The following DNLZ variants were observed in gnomAD, a reference collection of about 807,000 sequenced individuals.
DNLZ encodes the protein DNL-type zinc finger.
DNLZ carries 15 observed loss-of-function variants against 7.8 expected under a neutral mutation model. That is an observed-to-expected ratio of 1.91 (90% CI 1.28 to 2.95). The LOEUF is 2.95. Ranked by LOEUF, DNLZ falls within the 30% of genes most tolerant of loss-of-function variation. DNLZ has a pLI of 0.00. For missense variants in DNLZ, 255 were observed against 167.3 expected (o/e 1.52, Z -2.89); for synonymous variants, 123 against 77.8 (o/e 1.58, Z -3.05).
Position 136,363,734 on chromosome 9 carries a change from C to CGCCCTGCCCCG in DNLZ, c.-21_-20insCGGGGCAGGGC, listed in dbSNP as rs201269237. The stretch of plus-strand genomic sequence containing the variant: ...CAGCATCCCGCTCGCCGGCTCCGTC[C>CGCCCTGCCCCG]GCCCTGCCCCGGCCCCGCCCCGCCG... On this transcript the variant is annotated 5_prime_UTR_variant, in exon 1 of 3. Transcript: ENST00000371738. The CGCCCTGCCCCG allele has an allele frequency of 0.21, 96,821 of 452,826 alleles. 11,823 individuals carry two copies. Among genetic ancestry groups the CGCCCTGCCCCG allele is most frequent in the Middle Eastern group, 0.26 (438 of 1,690 alleles). The allele number at this position is 452,826 out of a possible 1,614,324, so 28.1% of individuals were successfully genotyped here.
In DNLZ at chr9:136,360,548, G is replaced by C. The variant is rs548533204; in HGVS notation, c.*1464C>G. Reference sequence around the variant, plus strand: ...AACCTGGCTGTGGGATTGGGGCTGCGGGGAGGGAAGGGCGGAGGGAGACAG... The same window carrying C: ...AACCTGGCTGTGGGATTGGGGCTGCCGGGAGGGAAGGGCGGAGGGAGACAG... On this transcript the variant is annotated 3_prime_UTR_variant, in exon 3 of 3. Coordinates refer to ENST00000371738, the MANE Select transcript of DNLZ (RefSeq NM_001080849.3). 1 of 152,210 alleles carries C rather than the reference G, an allele frequency of 6.6e-6. No homozygotes were observed. The allele number at this position is 152,210 out of a possible 1,614,324, so 9.4% of individuals were successfully genotyped here. A position where few individuals can be genotyped will look rare whatever the true frequency, so the allele number is the denominator to read the frequency against.
In DNLZ at chr9:136,359,681, C is replaced by T. The variant is rs970314009; in HGVS notation, c.*2331G>A. The T allele has an allele frequency of 6.6e-6, 1 of 152,360 alleles. No individual in the cohort carries two copies. The highest frequency in any genetic ancestry group is 1.5e-5 in the Non-Finnish European group (1 of 68,062). The allele number at this position is 152,360 out of a possible 1,614,324, so 9.4% of individuals were successfully genotyped here. On this transcript the variant is annotated 3_prime_UTR_variant, in exon 3 of 3. Coordinates refer to ENST00000371738, the MANE Select transcript of DNLZ (RefSeq NM_001080849.3). ...ACTGTGCAAAGTGTCCACAGATACC[C>T]ACTGTCTGGGCCCTCTGAGACCTCA...
Position 136,363,581 on chromosome 9 carries a change from C to CCCCAGG in DNLZ, c.128_133dup (p.Ala43_Trp44dup), listed in dbSNP as rs1355553595. On this transcript the variant is annotated inframe_insertion, in exon 1 of 3. Transcript: ENST00000371738. ...CTGCTCGGAGCTTGAGCGCCGCCAG[C>CCCCAGG]CCCAGGCCCAGGCCCGCCGCCTCCC... The CCCCAGG allele has an allele frequency of 1.7e-5, 11 of 642,620 alleles. No individual in the cohort carries two copies. The East Asian group carries it at 1.9e-4, about 11-fold the overall frequency. 39.8% of individuals were successfully genotyped at this position (642,620 alleles called of 1,614,324 possible). A position where few individuals can be genotyped will look rare whatever the true frequency, so the allele number is the denominator to read the frequency against.
rs1289478906 is a variant in DNLZ, at chr9:136,363,657, C to G, written c.58G>C (p.Ala20Pro). 1 of 434,178 alleles carries G rather than the reference C, an allele frequency of 2.3e-6. No individual in the cohort carries two copies. The highest frequency in any genetic ancestry group is 4.4e-5 in the Admixed American group (1 of 22,972). The allele number at this position is 434,178 out of a possible 1,614,324, so 26.9% of individuals were successfully genotyped here. A position where few individuals can be genotyped will look rare whatever the true frequency, so the allele number is the denominator to read the frequency against. Residue 20 changes from alanine to proline, a missense_variant, in exon 1 of 3, where the codon GCG (alanine) becomes CCG (proline). By Grantham distance (27) the Ala-to-Pro change is conservative. Transcript: ENST00000371738. ...PRLLSRVQPR[A>P]PCLRRLWGRG... ...CCCCACAGCCGCCTCAGGCAGGGCGCCCGGGGCTGCACGCGACTCAGCAAC... is the reference window on the plus strand; with the variant it reads ...CCCCACAGCCGCCTCAGGCAGGGCGGCCGGGGCTGCACGCGACTCAGCAAC...
chr9:136,363,128 C>T lies in DNLZ; in HGVS notation c.229G>A (p.Val77Ile). 1 of 1,613,128 alleles carries T rather than the reference C, an allele frequency of 6.2e-7. No homozygotes were observed. The highest frequency in any genetic ancestry group is 2.2e-5 in the East Asian group (1 of 44,886). Residue 77 changes from valine (V) to isoleucine (I), a missense_variant and splice_region_variant, in exon 2 of 3, where the codon GTC becomes ATC. Transcript: ENST00000371738. ...AHYQLVYTCK[V>I]CGTRSSKRIS... is the part of the protein sequence containing the mutation. ...CGCTTGGAGGACCTAGTCCCGCAGA[C>T]CTGGCTGGGACAGGGTAGCTGGTGA...
chr9:136,362,129 C>T lies in DNLZ; in HGVS notation c.420G>A (p.Ala140=), dbSNP rs780412942. The T allele has an allele frequency of 2.9e-5, 43 of 1,502,790 alleles. 1 individual carries two copies. Among genetic ancestry groups the T allele is most frequent in the Middle Eastern group, 4.4e-4 (2 of 4,578 alleles). The allele number at this position is 1,502,790 out of a possible 1,614,324, so 93.1% of individuals were successfully genotyped here. A position where few individuals can be genotyped will look rare whatever the true frequency, so the allele number is the denominator to read the frequency against. ...GAACCAGTTCCAGGGCCCCCTCGCC[C>T]GCCACACGGTGCACCTGCTCGCCTC... ...TARGEQVHRV[A]GEGALELVLE... The change falls in exon 3 of 3, where the codon GCG becomes GCA. Residue 140 remains alanine (A), a synonymous_variant. Coordinates refer to ENST00000371738, the MANE Select transcript of DNLZ (RefSeq NM_001080849.3).
chr9:136,363,287 G>A (rs1479434125), intron 1 of DNLZ, 159 bp from the exon 2 acceptor site: 2 of 794,628 alleles, frequency 2.5e-6, no homozygotes, highest in African/African-American at 3.4e-5. Context: ...CCCTCTCCCG[G>A]GAAGGCCCCG....
Position 136,359,626 on chromosome 9 carries a change from G to A in DNLZ, c.*2386C>T, listed in dbSNP as rs1265077715. 3 of 152,346 alleles carry A rather than the reference G, an allele frequency of 2.0e-5. No homozygotes were observed. Among genetic ancestry groups the A allele is most frequent in the Non-Finnish European group, 2.9e-5 (2 of 68,040 alleles). 9.4% of individuals were successfully genotyped at this position (152,346 alleles called of 1,614,324 possible). A position where few individuals can be genotyped will look rare whatever the true frequency, so the allele number is the denominator to read the frequency against. On this transcript the variant is annotated 3_prime_UTR_variant, in exon 3 of 3. Transcript: ENST00000371738. Reference sequence around the variant, plus strand: ...GTGTGGTCCGTATGGGCTTAGTCCCGGGTGGGGGCCTAACCCGGTAAGAGG... The same window carrying A: ...GTGTGGTCCGTATGGGCTTAGTCCCAGGTGGGGGCCTAACCCGGTAAGAGG...
In DNLZ at chr9:136,363,560, T is replaced by G. The variant is rs1833026478; in HGVS notation, c.155A>C (p.Glu52Ala). 1 of 697,382 alleles carries G rather than the reference T, an allele frequency of 1.4e-6. No individual in the cohort carries two copies. Among genetic ancestry groups the G allele is most frequent in the African/African-American group, 1.8e-5 (1 of 55,346 alleles). The allele number at this position is 697,382 out of a possible 1,614,324, so 43.2% of individuals were successfully genotyped here. A position where few individuals can be genotyped will look rare whatever the true frequency, so the allele number is the denominator to read the frequency against. ...AGCCGCCGCGGGCCCCGGCCCCTGC[T>G]CGGAGCTTGAGCGCCGCCAGCCCCA... ...WAWGWRRSSS[E>A]QGPGPAAALG... The change falls in exon 1 of 3, where the codon GAG becomes GCG. Residue 52 changes from glutamate (E) to alanine (A), a missense_variant. Transcript: ENST00000371738.
rs1287915576 is a variant in DNLZ at position 136,361,088 on chromosome 9, C to G, written c.*924G>C. On this transcript the variant is annotated 3_prime_UTR_variant, in exon 3 of 3. Coordinates refer to ENST00000371738, the MANE Select transcript of DNLZ (RefSeq NM_001080849.3). ...GGGGGTAATCGAGGCAAAGCCCACG[C>G]CACAAGCACACTGGGAACGATGCCG... 1.3e-5 allele frequency: 2 copies of G among 152,304 alleles called. No individual in the cohort carries two copies. The highest frequency in any genetic ancestry group is 2.9e-5 in the Non-Finnish European group (2 of 68,102). 9.4% of individuals were successfully genotyped at this position (152,304 alleles called of 1,614,324 possible).
chr9:136,360,781 G>A lies in DNLZ; in HGVS notation c.*1231C>T, dbSNP rs1832967842. 6.6e-6 allele frequency: 1 copy of A among 152,286 alleles called. No homozygotes were observed. Among genetic ancestry groups the A allele is most frequent in the Non-Finnish European group, 1.5e-5 (1 of 68,092 alleles). 9.4% of individuals were successfully genotyped at this position (152,286 alleles called of 1,614,324 possible). A position where few individuals can be genotyped will look rare whatever the true frequency, so the allele number is the denominator to read the frequency against. ...CATCTCCCCATCCGTAAGAGGAGGG[G>A]TTGGCCCAAGCGGCTCTCCTTGCTC... On this transcript the variant is annotated 3_prime_UTR_variant, in exon 3 of 3. Coordinates refer to ENST00000371738, the MANE Select transcript of DNLZ (RefSeq NM_001080849.3).
intron 1 of DNLZ, 136 bp from the exon 2 acceptor site, chr9:136,363,264 A>G: frequency 1.6e-6 from 1 of 633,392 alleles, no homozygotes. Context: ...AGCTCCACCC[A>G]CCCCCAACCT....
At chr9:136,363,283 C>T in intron 1 of DNLZ, 155 bp from the exon 2 acceptor site, 1 of 810,036 alleles carries the variant, frequency 1.2e-6, no homozygotes, top group Non-Finnish European at 2.0e-6. Context: ...CTCGCCCTCT[C>T]CCGGGAAGGC....
At chr9:136,363,351 G>T (rs1361861858) in intron 1 of DNLZ, 136 bp downstream of exon 1, 1 of 703,306 alleles carries the variant, frequency 1.4e-6, no homozygotes, top group East Asian at 2.6e-5. Context: ...CCTCCCAGAA[G>T]CCCCAAGGGG....
In DNLZ at chr9:136,359,948, C is replaced by T. The variant is rs1016812463; in HGVS notation, c.*2064G>A. 3 of 152,274 alleles carry T rather than the reference C, an allele frequency of 2.0e-5. No homozygotes were observed. Among genetic ancestry groups the T allele is most frequent in the Non-Finnish European group, 2.9e-5 (2 of 68,106 alleles). The allele number at this position is 152,274 out of a possible 1,614,324, so 9.4% of individuals were successfully genotyped here. On this transcript the variant is annotated 3_prime_UTR_variant, in exon 3 of 3. Coordinates refer to ENST00000371738, the MANE Select transcript of DNLZ (RefSeq NM_001080849.3). ...AGCCTGCTGCCGCCCACCCAGCACC[C>T]GGGGGAGGGAGGTCCTTTCCTGGAG... is the stretch of plus-strand genomic sequence containing the variant.
Position 136,361,168 on chromosome 9 carries a change from CG to C in DNLZ, c.*843del. The C allele has an allele frequency of 6.6e-6, 1 of 152,376 alleles. No individual in the cohort carries two copies. Among genetic ancestry groups the C allele is most frequent in the South Asian group, 2.1e-4 (1 of 4,830 alleles). The allele number at this position is 152,376 out of a possible 1,614,324, so 9.4% of individuals were successfully genotyped here. A position where few individuals can be genotyped will look rare whatever the true frequency, so the allele number is the denominator to read the frequency against. On this transcript the variant is annotated 3_prime_UTR_variant, in exon 3 of 3. Coordinates refer to ENST00000371738, the MANE Select transcript of DNLZ (RefSeq NM_001080849.3). ...TGAGCTGGCAGTCCTGGCCGTGTCC[CG>C]CTGGGAGGGGCCGCACTGGGTCCCT...
Position 136,362,062 on chromosome 9 carries a change from C to T in DNLZ, c.487G>A (p.Ala163Thr), listed in dbSNP as rs781592402. The change falls in exon 3 of 3, where the codon GCG becomes ACG. Residue 163 changes from alanine (A) to threonine (T), a missense_variant. Ala to Thr is a moderately conservative substitution (Grantham distance 58, BLOSUM62 0). Transcript: ENST00000371738. ...CTGGGGGGACCCTCATCCTCACCCG[C>T]TTCCGGAGCTGCAGTGGATGTGGGG... ...GAPTSTAAPE[A>T]GEDEGPPSPG... is the part of the protein sequence containing the mutation. 1 of 1,426,850 alleles carries T rather than the reference C, an allele frequency of 7.0e-7. No homozygotes were observed. The highest frequency in any genetic ancestry group is 1.5e-5 in the South Asian group (1 of 65,914). 88.4% of individuals were successfully genotyped at this position (1,426,850 alleles called of 1,614,324 possible).
At chr9:136,362,356 GTC>G (rs769992385) in intron 2 of DNLZ, among the ~76,000 whole-genome samples, 176 bp from the exon 3 acceptor site, 8 of 152,210 alleles carry the variant, frequency 5.3e-5, no homozygotes, top group Non-Finnish European at 8.8e-5. Context: ...CCAGCCCTGT[GTC>G]TCTGCCGGTA....
rs781638877 is a variant in DNLZ, at chr9:136,362,123, C to A, written c.426G>T (p.Glu142Asp). The A allele has an allele frequency of 1.3e-6, 2 of 1,502,052 alleles. No homozygotes were observed. The highest frequency in any genetic ancestry group is 5.4e-5 in the East Asian group (2 of 37,314). The allele number at this position is 1,502,052 out of a possible 1,614,324, so 93.0% of individuals were successfully genotyped here. A position where few individuals can be genotyped will look rare whatever the true frequency, so the allele number is the denominator to read the frequency against. Residue 142 changes from glutamate to aspartate, a missense_variant, in exon 3 of 3, where the codon GAG becomes GAT. Transcript: ENST00000371738. ...RGEQVHRVAG[E>D]GALELVLEAA... ...CCTCCAGAACCAGTTCCAGGGCCCC[C>A]TCGCCCGCCACACGGTGCACCTGCT...
Sources: allele counts gnomAD v4.1 joint callset (sites outside exome capture counted in the v4.1 genomes callset), GRCh38; gene constraint gnomAD v4.1.1; transcripts MANE v1.5; gene names NCBI Gene and HGNC (gene_info 2026-07-23, HGNC 2026-07-21).